Variants in ZNF653 observed in about 807,000 individuals in gnomAD.
ZNF653 encodes 67 kDa zinc finger protein.
ZNF653 carries 37 observed loss-of-function variants against 59.9 expected under a neutral mutation model. The observed-to-expected ratio is 0.62, with a 90% CI of 0.48 to 0.81. The LOEUF (loss-of-function observed/expected upper bound fraction) is 0.81, where lower values mean the gene tolerates loss of function less well. ZNF653 is among the 40% of genes least tolerant of loss of function. The pLI is 0.00. For synonymous variants in ZNF653, 435 were observed against 371.8 expected (o/e 1.17, Z -1.96); for missense variants, 808 against 881.1 (o/e 0.92, Z 1.05).
intron 1 of ZNF653, among the ~76,000 whole-genome samples, chr19:11,499,288 C>T (rs1221960077): frequency 6.6e-6 from 1 of 152,240 alleles, no homozygotes; most frequent in Non-Finnish European, 1.5e-5. Flanking sequence ...TGCTGGGACA[C>T]ATGCCCTGTG....
chr19:11,492,466 C>T (rs760789855), intron 3 of ZNF653, among the ~76,000 whole-genome samples: 11 of 152,250 alleles, frequency 7.2e-5, no homozygotes, highest in Admixed American at 3.3e-4. Flanking sequence ...CCTCCTGCTT[C>T]GGCCTCCTAA....
intron 7 of ZNF653, 108 bp downstream of exon 7, chr19:11,485,548 G>A: frequency 2.5e-6 from 2 of 806,298 alleles, no homozygotes; most frequent in Non-Finnish European, 2.1e-6. Context: ...GTGTAGTCCT[G>A]TGCCCGGAGA....
intron 1 of ZNF653, 162 bp downstream of exon 1, chr19:11,505,326 C>T (rs1353354647): frequency 4.4e-6 from 3 of 681,140 alleles, no homozygotes; most frequent in African/African-American, 1.9e-5. Context: ...ACGAGCCAGG[C>T]GCGTCCCGGC....
chr19:11,485,487 T>C lies in ZNF653; in HGVS notation c.1570+169A>G, dbSNP rs777127859. ...ATTGATTGGTAATAGTTCCTGTCGC[T>C]GTGGCTCACATAGCTACAGCTTACT... On this transcript the variant is annotated intron_variant, in intron 7 of 8. Transcript: ENST00000293771. Among the ~76,000 whole-genome samples, 3 of 152,130 alleles carry C rather than the reference T, an allele frequency of 2.0e-5. 1 individual carries two copies. The highest frequency in any genetic ancestry group is 4.4e-5 in the Non-Finnish European group (3 of 68,026).
chr19:11,487,749 A>C lies in ZNF653; in HGVS notation c.714T>G (p.Thr238=), dbSNP rs1971484901. 3.7e-6 allele frequency: 6 copies of C among 1,613,110 alleles called. No homozygotes were observed. The highest frequency in any genetic ancestry group is 1.3e-5 in the African/African-American group (1 of 74,902). Residue 238 remains threonine, a synonymous_variant, in exon 4 of 9, where the codon ACT becomes ACG. Transcript: ENST00000293771. The surrounding 1 kb of genome is among the most constrained non-coding windows in gnomAD (Gnocchi z 5.1). ...TSPVGSSGLI[T]QEGVHIPFDV... is the part of the protein sequence containing the mutation. Reference sequence around the variant, plus strand: ...CAAAGGGAATGTGCACGCCCTCCTGAGTGATGAGCCCGCTGCTGCCCACCG... The same window carrying C: ...CAAAGGGAATGTGCACGCCCTCCTGCGTGATGAGCCCGCTGCTGCCCACCG...
At chr19:11,486,695 G>C in intron 6 of ZNF653, 74 bp downstream of exon 6, 1 of 1,274,686 alleles carries the variant, frequency 7.8e-7, no homozygotes, top group South Asian at 1.3e-5. Context: ...GCAAACTAGA[G>C]GTAGGACATC....
In ZNF653 at chr19:11,487,915, G is replaced by A; in HGVS notation, c.560-12C>T. On this transcript the variant is annotated splice_polypyrimidine_tract_variant and intron_variant, in intron 3 of 8. Coordinates refer to ENST00000293771, the MANE Select transcript of ZNF653 (RefSeq NM_138783.4). The surrounding 1 kb of genome is among the most constrained non-coding windows in gnomAD (Gnocchi z 5.1). ...CAGCCCATTGCCCACTGTGGGGACA[G>A]AAGAAAGGGAGTGGTTATGATAGCT... 2 of 1,558,208 alleles carry A rather than the reference G, an allele frequency of 1.3e-6. No homozygotes were observed. Among genetic ancestry groups the A allele is most frequent in the South Asian group, 2.4e-5 (2 of 83,966 alleles).
In ZNF653 at chr19:11,486,702, C is replaced by T. The variant is rs575282120; in HGVS notation, c.1455+67G>A. ...TTCAAGGGGCAAACTAGAGGTAGGA[C>T]ATCCTGGTGGTGCCATGGCCTGGGC... is the stretch of plus-strand genomic sequence containing the variant. On this transcript the variant is annotated intron_variant, in intron 6 of 8. Transcript: ENST00000293771. 16 of 1,324,468 alleles carry T rather than the reference C, an allele frequency of 1.2e-5. 1 individual carries two copies. The Admixed American group carries it at 2.1e-4, about 17-fold the overall frequency. 82.0% of individuals were successfully genotyped at this position (1,324,468 alleles called of 1,614,324 possible).
intron 1 of ZNF653, among the ~76,000 whole-genome samples, chr19:11,501,459 G>A (rs894915167): frequency 1.4e-5 from 2 of 140,046 alleles, no homozygotes; most frequent in African/African-American, 6.5e-5. Context: ...GATTACAGGT[G>A]TGAGCCACTA....
rs761120414 is a variant in ZNF653 at position 11,487,172 on chromosome 19, A to T, written c.1172-14T>A. The T allele has an allele frequency of 6.2e-7, 1 of 1,609,872 alleles. No homozygotes were observed. Among genetic ancestry groups the T allele is most frequent in the Non-Finnish European group, 8.5e-7 (1 of 1,179,618 alleles). ...GGTCCTCCTTCTCTACAGGGTGGAC[A>T]CAGGGTGGTGTCCGCAGGGGACGAA... On this transcript the variant is annotated splice_polypyrimidine_tract_variant and intron_variant, in intron 4 of 8. Transcript: ENST00000293771. The surrounding 1 kb of genome is among the most constrained non-coding windows in gnomAD (Gnocchi z 5.1).
chr19:11,485,671 T>G lies in ZNF653; in HGVS notation c.1555A>C (p.Met519Leu). 1 of 1,613,920 alleles carries G rather than the reference T, an allele frequency of 6.2e-7. No individual in the cohort carries two copies. The highest frequency in any genetic ancestry group is 8.5e-7 in the Non-Finnish European group (1 of 1,179,850). Residue 519 changes from methionine to leucine, a missense_variant, in exon 7 of 9, where the codon ATG becomes CTG. Met to Leu is a conservative substitution (Grantham distance 15, BLOSUM62 2). Coordinates refer to ENST00000293771, the MANE Select transcript of ZNF653 (RefSeq NM_138783.4). ...AGGGCCTGACCTGAATGGATGATCATGTGCCGCCGCAGGTGGTTGGATAAA... is the reference window on the plus strand; with the variant it reads ...AGGGCCTGACCTGAATGGATGATCAGGTGCCGCCGCAGGTGGTTGGATAAA... The part of the protein sequence containing the change: ...FYLSNHLRRH[M>L]IIHSGVREFT...
chr19:11,498,406 A>T, intron 1 of ZNF653, 67 bp from the exon 2 acceptor site: 1 of 1,604,084 alleles, frequency 6.2e-7, no homozygotes, highest in Non-Finnish European at 8.5e-7. Context: ...CCCATGAGTA[A>T]CAACAGTGGC....
rs74335862 is a variant in ZNF653, at chr19:11,485,824, G to A, written c.1456-54C>T. The A allele has an allele frequency of 7.9e-4, 1,121 of 1,420,308 alleles. 7 individuals are homozygous for A. The African/African-American group carries it at 0.013, about 17-fold the overall frequency. 88.0% of individuals were successfully genotyped at this position (1,420,308 alleles called of 1,614,324 possible). ...CCATAGGCCCACAGAAGGGGCTCTG[G>A]GAGGTGGGGAGAGATGAGGGCAGCT... On this transcript the variant is annotated intron_variant, in intron 6 of 8. Transcript: ENST00000293771.
chr19:11,496,300 A>C (rs1971587814), intron 2 of ZNF653, 135 bp from the exon 3 acceptor site: 1 of 831,844 alleles, frequency 1.2e-6, no homozygotes, highest in Non-Finnish European at 1.9e-6. Context: ...GCCTGTACCC[A>C]GTTTAAAGGG....
At chr19:11,505,443 T>TG (rs1265719183) in intron 1 of ZNF653, 45 bp downstream of exon 1, 12 of 1,399,268 alleles carry the variant, frequency 8.6e-6, no homozygotes, top group Non-Finnish European at 1.1e-5. Flanking sequence ...CGGCGGGGTC[T>TG]GGGGGCGTCT....
At chr19:11,485,418 G>A (rs370356272) in intron 7 of ZNF653, among the ~76,000 whole-genome samples, 6 of 152,268 alleles carry the variant, frequency 3.9e-5, no homozygotes, top group East Asian at 1.9e-4. Flanking sequence ...GCATGGGGTC[G>A]CGGGGATAGG....
At chr19:11,486,669 C>T (rs1343560511) in intron 6 of ZNF653, 100 bp downstream of exon 6, 13 of 1,012,222 alleles carry the variant, frequency 1.3e-5, no homozygotes, top group South Asian at 4.7e-5. Flanking sequence ...AGGGACACCT[C>T]GTCAAATTTC....
At chr19:11,496,790 C>A (rs1599566506) in intron 2 of ZNF653, among the ~76,000 whole-genome samples, 1 of 152,186 alleles carries the variant, frequency 6.6e-6, no homozygotes, top group Non-Finnish European at 1.5e-5. Flanking sequence ...TCGCTTGAGC[C>A]TGGGAGGTGG....
intron 2 of ZNF653, among the ~76,000 whole-genome samples, chr19:11,496,786 G>C (rs1159338943): frequency 6.6e-6 from 1 of 152,220 alleles, no homozygotes; most frequent in Non-Finnish European, 1.5e-5. Context: ...AGGATCGCTT[G>C]AGCCTGGGAG....
Sources: gnomAD v4.1 joint callset for allele counts (sites outside exome capture counted in the v4.1 genomes callset) on GRCh38, gnomAD v4.1.1 for gene constraint, Gnocchi (gnomAD v3.1) non-coding constraint, MANE v1.5 for transcripts, NCBI Gene and HGNC (gene_info 2026-07-23, HGNC 2026-07-21) for gene names.